The following KIAA0825 variants were observed in gnomAD, a reference collection of about 807,000 sequenced individuals.
The protein encoded by KIAA0825 is uncharacterized protein KIAA0825.
Under a neutral mutation model 147.6 loss-of-function variants are expected in KIAA0825, and 119 were observed. The ratio of observed to expected loss-of-function variants is 0.81; its 90% confidence interval spans 0.69 to 0.94. The LOEUF (loss-of-function observed/expected upper bound fraction) is 0.94, where lower values mean the gene tolerates loss of function less well. Among genes scored for constraint, KIAA0825 ranks in the 40% least tolerant of loss-of-function variants. KIAA0825 has a pLI of 0.00. For synonymous variants in KIAA0825, 470 were observed against 518.1 expected, an observed-to-expected ratio of 0.91 and a Z score of 1.26; for missense variants, 1,381 against 1,472.7, an observed-to-expected ratio of 0.94 and a Z score of 1.02.
chr5:94,588,422 C>A (rs1783727653), intron 1 of KIAA0825, among the ~76,000 whole-genome samples: 1 of 152,146 alleles, frequency 6.6e-6, no homozygotes, highest in Non-Finnish European at 1.5e-5. Context: ...ATGCAGCCAA[C>A]AGACATATGA....
At chr5:94,333,402 T>C (rs946310002) in intron 20 of KIAA0825, among the ~76,000 whole-genome samples, 1 of 151,898 alleles carries the variant, frequency 6.6e-6, no homozygotes, top group African/African-American at 2.4e-5. Context: ...TTAATTTTTG[T>C]ATAAGGTTTA....
chr5:94,554,671 C>T (rs970078747), intron 2 of KIAA0825, among the ~76,000 whole-genome samples: 4 of 139,124 alleles, frequency 2.9e-5, no homozygotes, highest in Admixed American at 7.4e-5. Flanking sequence ...TGATAACAGC[C>T]GACTCTTTTG....
intron 20 of KIAA0825, among the ~76,000 whole-genome samples, chr5:94,264,545 C>A (rs762324298): frequency 1.2e-4 from 19 of 152,172 alleles, no homozygotes; most frequent in Admixed American, 2.6e-4. Flanking sequence ...AGAAACAGGA[C>A]TTCATGCCTC....
At chr5:94,589,538 T>C (rs1173511286) in intron 1 of KIAA0825, among the ~76,000 whole-genome samples, 3 of 152,206 alleles carry the variant, frequency 2.0e-5, no homozygotes, top group African/African-American at 7.2e-5. Flanking sequence ...AAATCATGTG[T>C]ATTGTATATA....
chr5:94,418,681 TATTA>T (rs1186148102), intron 14 of KIAA0825, among the ~76,000 whole-genome samples: 1 of 152,064 alleles, frequency 6.6e-6, no homozygotes, highest in African/African-American at 2.4e-5. Context: ...CTACTGGGGT[TATTA>T]ACCCCAGTAG....
At chr5:94,309,326 G>C (rs1778958294) in intron 20 of KIAA0825, among the ~76,000 whole-genome samples, 1 of 151,756 alleles carries the variant, frequency 6.6e-6, no homozygotes, top group Non-Finnish European at 1.5e-5. Context: ...AGGAGGTGCT[G>C]TGAGAGTTCA....
At chr5:94,442,904 C>T (rs948432419) in intron 13 of KIAA0825, among the ~76,000 whole-genome samples, 4 of 151,952 alleles carry the variant, frequency 2.6e-5, no homozygotes, top group African/African-American at 7.3e-5. Context: ...GATTTTAGGC[C>T]CATTGGAGAG....
chr5:94,221,317 T>TTA (rs991866465), intron 20 of KIAA0825, among the ~76,000 whole-genome samples: 1 of 152,120 alleles, frequency 6.6e-6, no homozygotes, highest in African/African-American at 2.4e-5. Flanking sequence ...CCACAAAACT[T>TTA]TATAGACTCG....
chr5:94,395,956 T>C (rs1228762311), intron 17 of KIAA0825, 145 bp downstream of exon 17: 4 of 708,636 alleles, frequency 5.6e-6, no homozygotes, highest in Non-Finnish European at 8.5e-6. Context: ...AATGGGATAC[T>C]TATCTTTTTT....
rs1159324978 is a variant in KIAA0825 at position 94,151,394 on chromosome 5, G to A, written c.*2613C>T. On this transcript the variant is annotated 3_prime_UTR_variant, in exon 21 of 21. Coordinates refer to ENST00000682413, the MANE Select transcript of KIAA0825 (RefSeq NM_001145678.3). ...ATTGCGCCACTGCAGTCCGCAGTCCGGCCTGGGCGACAGAGCGAGACTCCG... is the reference window on the plus strand; with the variant it reads ...ATTGCGCCACTGCAGTCCGCAGTCCAGCCTGGGCGACAGAGCGAGACTCCG... Among the ~76,000 whole-genome samples the A allele has an allele frequency of 1.4e-5, 2 of 140,500 alleles. No homozygotes were observed. Among genetic ancestry groups the A allele is most frequent in the Non-Finnish European group, 1.5e-5 (1 of 65,908 alleles). 92.2% of individuals were successfully genotyped at this position (140,500 alleles called of 152,430 possible). A position where few individuals can be genotyped will look rare whatever the true frequency, so the allele number is the denominator to read the frequency against.
intron 2 of KIAA0825, among the ~76,000 whole-genome samples, chr5:94,548,660 C>T (rs1270764609): frequency 6.6e-6 from 1 of 152,056 alleles, no homozygotes; most frequent in African/African-American, 2.4e-5. Flanking sequence ...TGGTGTCCTG[C>T]CTACAAGAAA....
In KIAA0825 at chr5:94,201,299, G is replaced by T. The variant is rs572363971; in HGVS notation, c.3711-47175C>A. Among the ~76,000 whole-genome samples the T allele has an allele frequency of 3.3e-5, 5 of 151,646 alleles. No homozygotes were observed. The South Asian group carries it at 1.0e-3, about 32-fold the overall frequency. On this transcript the variant is annotated intron_variant, in intron 20 of 20. Coordinates refer to ENST00000682413, the MANE Select transcript of KIAA0825 (RefSeq NM_001145678.3). Reference sequence around the variant, plus strand: ...CTTATTATACATTTGTATAATGTAAGATTAAATTAATTAATGTAATAGATT... The same window carrying T: ...CTTATTATACATTTGTATAATGTAATATTAAATTAATTAATGTAATAGATT...
At chr5:94,576,389 T>C (rs926678556) in intron 2 of KIAA0825, among the ~76,000 whole-genome samples, 1 of 152,038 alleles carries the variant, frequency 6.6e-6, no homozygotes, top group African/African-American at 2.4e-5. Flanking sequence ...ATGAATGGAG[T>C]AATCCATGCA....
intron 1 of KIAA0825, among the ~76,000 whole-genome samples, chr5:94,610,449 AAAAG>A (rs1419933891): frequency 2.7e-5 from 4 of 149,370 alleles, no homozygotes; most frequent in African/African-American, 7.4e-5. Context: ...AAGAAAAAGA[AAAAG>A]AAAAGAAAAA....
chr5:94,323,809 T>A (rs1780433182), intron 20 of KIAA0825, among the ~76,000 whole-genome samples: 1 of 151,962 alleles, frequency 6.6e-6, no homozygotes, highest in Non-Finnish European at 1.5e-5. Flanking sequence ...GAAAAAAATG[T>A]ACCAAGAATT....
At chr5:94,190,446 C>T (rs1177670853) in intron 20 of KIAA0825, among the ~76,000 whole-genome samples, 2 of 151,570 alleles carry the variant, frequency 1.3e-5, no homozygotes, top group Admixed American at 6.6e-5. Context: ...CTGCCTCAGC[C>T]TCCTGAGTAG....
chr5:94,341,976 G>A (rs1782436416), intron 20 of KIAA0825, among the ~76,000 whole-genome samples: 1 of 152,100 alleles, frequency 6.6e-6, no homozygotes, highest in Non-Finnish European at 1.5e-5. Flanking sequence ...GGCGGGTCAT[G>A]AGGTCAGGAG....
At chr5:94,278,666 T>C (rs1450947120) in intron 20 of KIAA0825, among the ~76,000 whole-genome samples, 2 of 152,150 alleles carry the variant, frequency 1.3e-5, no homozygotes, top group African/African-American at 2.4e-5. Context: ...GCAACTTGTA[T>C]TTACAAAGAT....
intron 20 of KIAA0825, among the ~76,000 whole-genome samples, chr5:94,218,411 C>T (rs1309703804): frequency 3.9e-5 from 6 of 152,198 alleles, no homozygotes; most frequent in African/African-American, 1.4e-4. Context: ...AGGGATGCCT[C>T]TCCATCCAAA....
Sources: gnomAD v4.1 joint callset for allele counts (sites outside exome capture counted in the v4.1 genomes callset) on GRCh38, gnomAD v4.1.1 for gene constraint, MANE v1.5 for transcripts, NCBI Gene and HGNC (gene_info 2026-07-23, HGNC 2026-07-21) for gene names.